Variants in DENND1A observed in about 807,000 individuals in gnomAD.
The protein encoded by DENND1A is DENN domain-containing protein 1A.
In DENND1A, 51 loss-of-function variants were observed where a neutral mutation model predicts 113.7. The ratio of observed to expected loss-of-function variants is 0.45; its 90% CI spans 0.36 to 0.57. The LOEUF (loss-of-function observed/expected upper bound fraction) is 0.57. DENND1A is among the 20% of genes least tolerant of loss of function. The pLI is 0.00. For synonymous variants in DENND1A, 565 were observed against 570.8 expected, an observed-to-expected ratio of 0.99 and a Z score of 0.14; for missense variants, 1,258 against 1,395.9, an observed-to-expected ratio of 0.90 and a Z score of 1.57.
At chr9:123,837,361 C>T (rs545653443) in intron 2 of DENND1A, among the ~76,000 whole-genome samples, 3 of 152,232 alleles carry the variant, frequency 2.0e-5, no homozygotes, top group African/African-American at 4.8e-5. Context: ...CAAACCAGGT[C>T]AAGTTAAAGG....
At chr9:123,796,320 T>G (rs914066140) in intron 2 of DENND1A, among the ~76,000 whole-genome samples, 1 of 152,166 alleles carries the variant, frequency 6.6e-6, no homozygotes, top group Non-Finnish European at 1.5e-5. Context: ...TTTCACAGTA[T>G]AGGACTCCCA....
chr9:123,757,476 G>A (rs568963431), intron 5 of DENND1A, among the ~76,000 whole-genome samples: 1 of 152,296 alleles, frequency 6.6e-6, no homozygotes, highest in East Asian at 1.9e-4. Flanking sequence ...AGAAGAGATG[G>A]TCCCCTTTCC....
chr9:123,447,369 T>C (rs904116062), intron 18 of DENND1A, among the ~76,000 whole-genome samples: 1 of 152,188 alleles, frequency 6.6e-6, no homozygotes, highest in Non-Finnish European at 1.5e-5. Context: ...TTAACAATTA[T>C]TTGCCAATGG....
At chr9:123,450,511 AAG>A (rs1000054147) in intron 18 of DENND1A, among the ~76,000 whole-genome samples, 180 bp downstream of exon 18, 2 of 152,190 alleles carry the variant, frequency 1.3e-5, no homozygotes, top group African/African-American at 4.8e-5. Flanking sequence ...ATGTTATTTG[AAG>A]ACAGTTTTTT....
chr9:123,756,395 G>A (rs1589955058), intron 5 of DENND1A, among the ~76,000 whole-genome samples: 1 of 152,142 alleles, frequency 6.6e-6, no homozygotes, highest in African/African-American at 2.4e-5. Flanking sequence ...AGACTGCACT[G>A]TTCAATCCAA....
chr9:123,894,986 G>T (rs1034691269), intron 1 of DENND1A, among the ~76,000 whole-genome samples: 2 of 152,026 alleles, frequency 1.3e-5, no homozygotes, highest in African/African-American at 2.4e-5. Context: ...AGGTATGAAT[G>T]CTCATGCAGA....
intron 2 of DENND1A, among the ~76,000 whole-genome samples, chr9:123,859,127 G>A (rs977617664): frequency 6.6e-6 from 1 of 152,108 alleles, no homozygotes; most frequent in African/African-American, 2.4e-5. Flanking sequence ...ACCTTTGTTA[G>A]CACTTACTAA....
At chr9:123,826,489 G>A (rs1839350973) in intron 2 of DENND1A, among the ~76,000 whole-genome samples, 1 of 152,038 alleles carries the variant, frequency 6.6e-6, no homozygotes, top group Admixed American at 6.5e-5. Flanking sequence ...TCTCCCCCAT[G>A]CCCCTCAAGC....
chr9:123,818,030 AAAAAG>A (rs964683230), intron 2 of DENND1A, among the ~76,000 whole-genome samples: 2 of 152,108 alleles, frequency 1.3e-5, no homozygotes, highest in African/African-American at 4.8e-5. Context: ...CCGTTAAAAA[AAAAAG>A]AAAAGAAATA....
chr9:123,689,472 A>C (rs1372944277), intron 5 of DENND1A, among the ~76,000 whole-genome samples: 1 of 152,230 alleles, frequency 6.6e-6, no homozygotes, highest in African/African-American at 2.4e-5. Context: ...CCGGCCTTAA[A>C]TATTGTGACA....
intron 13 of DENND1A, among the ~76,000 whole-genome samples, chr9:123,541,710 C>T (rs1056141589): frequency 6.6e-6 from 1 of 152,214 alleles, no homozygotes; most frequent in Non-Finnish European, 1.5e-5. Context: ...AATGTGACTG[C>T]TGGTGAATTG....
intron 2 of DENND1A, among the ~76,000 whole-genome samples, chr9:123,827,773 G>C (rs1312123940): frequency 6.6e-6 from 1 of 152,048 alleles, no homozygotes; most frequent in East Asian, 1.9e-4. Flanking sequence ...TGGGTAAAAA[G>C]GAAATAGATG....
At chr9:123,664,963 G>C (rs1250679727) in intron 8 of DENND1A, among the ~76,000 whole-genome samples, 2 of 152,046 alleles carry the variant, frequency 1.3e-5, no homozygotes, top group Non-Finnish European at 2.9e-5. Flanking sequence ...TTTCTCCACT[G>C]TCTATACTGA....
intron 21 of DENND1A, among the ~76,000 whole-genome samples, chr9:123,397,493 GA>G (rs1309356072): frequency 2.6e-5 from 4 of 152,152 alleles, no homozygotes; most frequent in Admixed American, 1.3e-4. Flanking sequence ...TTATATTAAT[GA>G]AAACCTGGAA....
At chr9:123,420,729 C>T (rs564155700) in intron 19 of DENND1A, among the ~76,000 whole-genome samples, 1 of 152,176 alleles carries the variant, frequency 6.6e-6, no homozygotes, top group African/African-American at 2.4e-5. Context: ...TTGTCAAGAT[C>T]CCTGATTACT....
chr9:123,468,805 G>A (rs2049162033), intron 13 of DENND1A, among the ~76,000 whole-genome samples: 1 of 152,268 alleles, frequency 6.6e-6, no homozygotes, highest in Non-Finnish European at 1.5e-5. Context: ...CCAGACACTG[G>A]CGTGAGTGTG....
intron 5 of DENND1A, among the ~76,000 whole-genome samples, chr9:123,741,880 T>C (rs936858744): frequency 6.6e-6 from 1 of 152,228 alleles, no homozygotes; most frequent in African/African-American, 2.4e-5. Flanking sequence ...GCCATGATCA[T>C]TCCTATCAAA....
At chr9:123,897,841 A>G (rs1458811308) in intron 1 of DENND1A, among the ~76,000 whole-genome samples, 1 of 151,740 alleles carries the variant, frequency 6.6e-6, no homozygotes, top group Non-Finnish European at 1.5e-5. Flanking sequence ...GGCAGTGTGC[A>G]CAGCTACTTA....
chr9:123,631,868 T>C (rs2138663786), intron 9 of DENND1A, among the ~76,000 whole-genome samples: 1 of 151,742 alleles, frequency 6.6e-6, no homozygotes, highest in South Asian at 2.1e-4. Context: ...TTCAATATAG[T>C]GAAAAGAAAG....
Sources: allele counts gnomAD v4.1 joint callset (sites outside exome capture counted in the v4.1 genomes callset), GRCh38; gene constraint gnomAD v4.1.1; transcripts MANE v1.5; gene names NCBI Gene and HGNC (gene_info 2026-07-23, HGNC 2026-07-21).